Variants in OR9Q1 observed in about 807,000 individuals in gnomAD.
The protein encoded by OR9Q1 is olfactory receptor family 9 subfamily Q member 1, also known as olfactory receptor 9Q1.
For synonymous variants in OR9Q1, 153 were observed against 148.6 expected (o/e 1.03, Z -0.22); for missense variants, 374 against 378.8 (o/e 0.99, Z 0.11).
intron 1 of OR9Q1, chr11:58,031,428 C>T (rs1426794248): frequency 5.0e-6 from 8 of 1,614,044 alleles, no homozygotes; most frequent in South Asian, 1.1e-5. Flanking sequence ...GGTTTCCTCA[C>T]ACCCATCTTG....
chr11:58,105,288 C>A (rs1428366226), intron 2 of OR9Q1, among the ~76,000 whole-genome samples: 1 of 152,140 alleles, frequency 6.6e-6, no homozygotes. Context: ...GAAATGACGA[C>A]AATGCTCTGT....
intron 2 of OR9Q1, chr11:58,119,147 G>T: frequency 6.2e-7 from 1 of 1,614,006 alleles, no homozygotes; most frequent in Non-Finnish European, 8.5e-7. Flanking sequence ...AAAAAGAACT[G>T]GGCAGCACAG....
intron 2 of OR9Q1, among the ~76,000 whole-genome samples, chr11:58,166,093 G>T (rs1232001312): frequency 6.6e-6 from 1 of 152,110 alleles, no homozygotes; most frequent in Non-Finnish European, 1.5e-5. Context: ...TTTTTTTATT[G>T]CAATAGATGG....
rs754543058 is a variant in OR9Q1, at chr11:58,085,764, T to C, written c.-15+29817T>C. 8.6e-4 allele frequency among the ~76,000 whole-genome samples: 131 copies of C among 152,006 alleles called. No individual in the cohort carries two copies. The Middle Eastern group carries it at 0.01, about 12-fold the overall frequency. On this transcript the variant is annotated intron_variant, in intron 2 of 2. Coordinates refer to ENST00000335397, the MANE Select transcript of OR9Q1 (RefSeq NM_001005212.4). ...ATGGGCTCTTTACTATAGACCATAA[T>C]ATTTTTAAAAATGTCATTGACATTG...
intron 2 of OR9Q1, among the ~76,000 whole-genome samples, chr11:58,060,623 T>C (rs909746169): frequency 2.6e-5 from 4 of 152,160 alleles, no homozygotes; most frequent in African/African-American, 9.7e-5. Flanking sequence ...TCAGGAGCTA[T>C]GGTCAGGAGT....
intron 1 of OR9Q1, among the ~76,000 whole-genome samples, chr11:58,037,689 A>G (rs11229222): frequency 0.03 from 208 of 6,998 alleles, 12 homozygotes; most frequent in Non-Finnish European, 0.048. Context: ...ATATATATAT[A>G]TTTTTTTTTT....
At chr11:58,117,218 T>A (rs1441071788) in intron 2 of OR9Q1, 1 of 152,154 alleles carries the variant, frequency 6.6e-6, no homozygotes, top group Non-Finnish European at 1.5e-5. Context: ...TTATTTAATT[T>A]TTACAATATC....
At chr11:58,053,989 T>A (rs1853302018) in intron 1 of OR9Q1, among the ~76,000 whole-genome samples, 1 of 152,146 alleles carries the variant, frequency 6.6e-6, no homozygotes, top group Non-Finnish European at 1.5e-5. Context: ...TTATTTCCCC[T>A]CACCCTCCCA....
chr11:58,157,371 C>A (rs543008842), intron 2 of OR9Q1, among the ~76,000 whole-genome samples: 1 of 152,258 alleles, frequency 6.6e-6, no homozygotes, highest in African/African-American at 2.4e-5. Context: ...TAGCACTTAG[C>A]ATAAATGTAA....
At chr11:58,133,413 C>A (rs997851608) in intron 2 of OR9Q1, among the ~76,000 whole-genome samples, 2 of 152,184 alleles carry the variant, frequency 1.3e-5, no homozygotes, top group Admixed American at 1.3e-4. Context: ...CACAGACAGG[C>A]TGCTGCTGGA....
intron 1 of OR9Q1, among the ~76,000 whole-genome samples, chr11:58,033,096 C>T (rs1853059824): frequency 6.6e-6 from 1 of 152,026 alleles, no homozygotes; most frequent in Admixed American, 6.6e-5. Flanking sequence ...ATCAAAGAGT[C>T]AAAAAATAAC....
At chr11:58,167,567 G>A (rs946494071) in intron 2 of OR9Q1, among the ~76,000 whole-genome samples, 14 of 152,046 alleles carry the variant, frequency 9.2e-5, no homozygotes, top group African/African-American at 3.4e-4. Context: ...TTAATTTTTA[G>A]TTGCGTCTAT....
At chr11:58,058,877 C>G (rs141731576) in intron 2 of OR9Q1, among the ~76,000 whole-genome samples, 1 of 152,274 alleles carries the variant, frequency 6.6e-6, no homozygotes, top group African/African-American at 2.4e-5. Context: ...CTGGTGGGTG[C>G]TGCTGGGCAC....
At chr11:58,052,533 A>ATG (rs1227991429) in intron 1 of OR9Q1, among the ~76,000 whole-genome samples, 1 of 66,122 alleles carries the variant, frequency 1.5e-5, no homozygotes, top group Non-Finnish European at 2.9e-5. Flanking sequence ...AGCATGGCAC[A>ATG]TGTATATATA....
intron 2 of OR9Q1, among the ~76,000 whole-genome samples, chr11:58,120,387 G>C (rs754350495): frequency 1.3e-4 from 19 of 151,962 alleles, no homozygotes; most frequent in Admixed American, 3.3e-4. Context: ...ATATGCTTAT[G>C]TCATAGGGGT....
chr11:58,110,645 A>G (rs969282895), intron 2 of OR9Q1, among the ~76,000 whole-genome samples: 5 of 152,236 alleles, frequency 3.3e-5, no homozygotes, highest in African/African-American at 1.2e-4. Flanking sequence ...CCATTGTGTC[A>G]TAACAGCAAG....
At chr11:58,125,007 C>G (rs1301634736) in intron 2 of OR9Q1, among the ~76,000 whole-genome samples, 1 of 152,102 alleles carries the variant, frequency 6.6e-6, no homozygotes, top group African/African-American at 2.4e-5. Flanking sequence ...AATGAAAAAG[C>G]CTGGAGTCTA....
At chr11:58,032,247 G>A (rs552063511) in intron 1 of OR9Q1, among the ~76,000 whole-genome samples, 18 of 151,852 alleles carry the variant, frequency 1.2e-4, no homozygotes, top group South Asian at 8.3e-4. Flanking sequence ...CACAGAATTA[G>A]AAAAAACAAT....
chr11:58,093,633 G>A (rs1853704051), intron 2 of OR9Q1, among the ~76,000 whole-genome samples: 1 of 151,758 alleles, frequency 6.6e-6, no homozygotes, highest in African/African-American at 2.4e-5. Context: ...GGTGGTGGGT[G>A]CCTGTAGTCC....
Sources: gnomAD v4.1 joint callset for allele counts (sites outside exome capture counted in the v4.1 genomes callset) on GRCh38, gnomAD v4.1.1 for gene constraint, MANE v1.5 for transcripts, NCBI Gene and HGNC (gene_info 2026-07-23, HGNC 2026-07-21) for gene names.